The following PPM1H variants were observed in gnomAD, a reference collection of about 807,000 sequenced individuals.
PPM1H encodes the protein protein phosphatase 1H.
PPM1H carries 27 observed loss-of-function variants against 54.9 expected under a neutral mutation model. The ratio of observed to expected loss-of-function variants is 0.49; its 90% CI spans 0.36 to 0.68. The LOEUF (loss-of-function observed/expected upper bound fraction) is 0.68. Ranked by LOEUF, PPM1H falls within the 30% of genes least tolerant of loss-of-function variation. The pLI is 0.00. For synonymous variants in PPM1H, 305 were observed against 270.8 expected, an observed-to-expected ratio of 1.13 and a Z score of -1.24; for missense variants, 596 against 667.8, an observed-to-expected ratio of 0.89 and a Z score of 1.19.
chr12:62,851,261 T>A (rs1354353542), intron 1 of PPM1H, among the ~76,000 whole-genome samples: 1 of 152,084 alleles, frequency 6.6e-6, no homozygotes, highest in Admixed American at 6.5e-5. Flanking sequence ...TCAAAGATAA[T>A]AGGGCATTTC....
At chr12:62,669,689 T>C (rs1178334650) in intron 8 of PPM1H, among the ~76,000 whole-genome samples, 1 of 152,074 alleles carries the variant, frequency 6.6e-6, no homozygotes, top group Non-Finnish European at 1.5e-5. Context: ...ACACTGCTAA[T>C]AGGAGGCCAA....
At chr12:62,858,993 C>T (rs561974999) in intron 1 of PPM1H, among the ~76,000 whole-genome samples, 2 of 152,322 alleles carry the variant, frequency 1.3e-5, no homozygotes, top group South Asian at 4.1e-4. Flanking sequence ...TTATTTGCTT[C>T]ATACTATGTA....
chr12:62,688,197 A>G (rs1176337114), intron 8 of PPM1H, among the ~76,000 whole-genome samples: 1 of 152,092 alleles, frequency 6.6e-6, no homozygotes, highest in Non-Finnish European at 1.5e-5. Flanking sequence ...AGGCAAGTGA[A>G]TATCTGTTGG....
At chr12:62,808,721 C>T (rs2076819442) in intron 2 of PPM1H, among the ~76,000 whole-genome samples, 1 of 152,126 alleles carries the variant, frequency 6.6e-6, no homozygotes, top group Admixed American at 6.5e-5. Context: ...AATATCATCT[C>T]CTTCCAGAAG....
rs2076141676 is a variant in PPM1H at position 62,701,120 on chromosome 12, C to G, written c.1074-7121G>C. Among the ~76,000 whole-genome samples the G allele has an allele frequency of 2.0e-5, 3 of 152,160 alleles. No individual in the cohort carries two copies. The South Asian group carries it at 6.2e-4, about 32-fold the overall frequency. ...CCCAATAAATATTTGGTTAAGCAAG[C>G]AAATTAATACTACCTTCCCTATGCA... On this transcript the variant is annotated intron_variant, in intron 6 of 9. Transcript: ENST00000228705.
chr12:62,925,008 A>G (rs1272955307), intron 1 of PPM1H, among the ~76,000 whole-genome samples: 1 of 152,156 alleles, frequency 6.6e-6, no homozygotes, highest in Non-Finnish European at 1.5e-5. Flanking sequence ...ACACCACTGC[A>G]CTCCAGCCTG....
At chr12:62,828,482 AG>A (rs1169472069) in intron 2 of PPM1H, among the ~76,000 whole-genome samples, 1 of 152,220 alleles carries the variant, frequency 6.6e-6, no homozygotes, top group African/African-American at 2.4e-5. Context: ...TCACCTTCTC[AG>A]TGATGCCTTC....
At chr12:62,806,924 T>A (rs570429710) in intron 2 of PPM1H, among the ~76,000 whole-genome samples, 1 of 152,278 alleles carries the variant, frequency 6.6e-6, no homozygotes, top group South Asian at 2.1e-4. Flanking sequence ...TTCTTAGTAC[T>A]ACAAGGCCAG....
chr12:62,700,000 A>G (rs2076135093), intron 6 of PPM1H, among the ~76,000 whole-genome samples: 1 of 151,926 alleles, frequency 6.6e-6, no homozygotes, highest in Non-Finnish European at 1.5e-5. Flanking sequence ...CATCAACCCC[A>G]TCCTTCTAGG....
chr12:62,663,210 G>A (rs933057850), intron 9 of PPM1H, among the ~76,000 whole-genome samples: 3 of 152,060 alleles, frequency 2.0e-5, no homozygotes, highest in African/African-American at 4.8e-5. Context: ...GTTCTTCTAG[G>A]AGAGTCGGTT....
intron 4 of PPM1H, among the ~76,000 whole-genome samples, chr12:62,759,349 G>A (rs1392933564): frequency 2.0e-5 from 3 of 152,188 alleles, no homozygotes; most frequent in East Asian, 1.9e-4. Flanking sequence ...ATTTTAAATC[G>A]GGTAAGCGGT....
At chr12:62,674,112 C>T (rs907919797) in intron 8 of PPM1H, among the ~76,000 whole-genome samples, 1 of 152,124 alleles carries the variant, frequency 6.6e-6, no homozygotes, top group African/African-American at 2.4e-5. Flanking sequence ...TCTCACAAAG[C>T]TGTAATTAAG....
chr12:62,755,252 G>T, intron 4 of PPM1H: 1 of 731,494 alleles, frequency 1.4e-6, no homozygotes. Context: ...AAAGTCAATG[G>T]ATTTGGTTGT....
At chr12:62,912,205 T>C (rs910949126) in intron 1 of PPM1H, among the ~76,000 whole-genome samples, 1 of 152,238 alleles carries the variant, frequency 6.6e-6, no homozygotes, top group Non-Finnish European at 1.5e-5. Context: ...AACATTCATT[T>C]AGCAGAAAAA....
chr12:62,778,168 A>G (rs896601908), intron 4 of PPM1H, among the ~76,000 whole-genome samples: 1 of 152,208 alleles, frequency 6.6e-6, no homozygotes, highest in Non-Finnish European at 1.5e-5. Context: ...CCAAGTTGTA[A>G]CTTCATCAGA....
chr12:62,735,904 A>G (rs1199509563), intron 5 of PPM1H, among the ~76,000 whole-genome samples: 2 of 152,324 alleles, frequency 1.3e-5, no homozygotes, highest in East Asian at 3.9e-4. Flanking sequence ...ATGTCCTGGA[A>G]ATGGAAGGTA....
At chr12:62,692,032 C>T (rs1340123854) in intron 7 of PPM1H, among the ~76,000 whole-genome samples, 1 of 152,094 alleles carries the variant, frequency 6.6e-6, no homozygotes, top group Non-Finnish European at 1.5e-5. Context: ...ACCTTGTTTA[C>T]GAAGTATCCA....
intron 6 of PPM1H, among the ~76,000 whole-genome samples, chr12:62,708,437 GC>G (rs2076187780): frequency 6.6e-6 from 1 of 152,164 alleles, no homozygotes. Flanking sequence ...AACCAGCTGT[GC>G]CAATTTCCTG....
At chr12:62,775,579 G>A (rs1424540891) in intron 4 of PPM1H, among the ~76,000 whole-genome samples, 1 of 152,152 alleles carries the variant, frequency 6.6e-6, no homozygotes, top group South Asian at 2.1e-4. Context: ...AAGATGGAAC[G>A]AAGGCTTTAA....
Sources: gnomAD v4.1 joint callset for allele counts (sites outside exome capture counted in the v4.1 genomes callset) on GRCh38, gnomAD v4.1.1 for gene constraint, MANE v1.5 for transcripts, NCBI Gene and HGNC (gene_info 2026-07-23, HGNC 2026-07-21) for gene names.